Variants in CAPN8 observed in about 807,000 individuals in gnomAD.
The protein encoded by CAPN8 is calpain 8, also known as calpain-8.
Under a neutral mutation model 80.9 loss-of-function variants are expected in CAPN8, and 87 were observed. The observed-to-expected ratio is 1.07, with a 90% CI of 0.90 to 1.28. CAPN8 has a LOEUF of 1.28. Ranked by LOEUF, CAPN8 falls within the 50% of genes most tolerant of loss-of-function variation. CAPN8 has a pLI of 0.00. For missense variants in CAPN8, 757 were observed against 702.0 expected, an observed-to-expected ratio of 1.08 and a Z score of -0.89; for synonymous variants, 299 against 273.8, an observed-to-expected ratio of 1.09 and a Z score of -0.91.
chr1:223,624,577 G>T (rs1321021997), intron 6 of CAPN8, among the ~76,000 whole-genome samples: 1 of 152,080 alleles, frequency 6.6e-6, no homozygotes, highest in Non-Finnish European at 1.5e-5. Flanking sequence ...AGCCAGGCAT[G>T]ATGGCACTTG....
chr1:223,554,314 G>T (rs1333166944), intron 13 of CAPN8, among the ~76,000 whole-genome samples: 1 of 152,168 alleles, frequency 6.6e-6, no homozygotes, highest in Non-Finnish European at 1.5e-5. Flanking sequence ...GTGAAAACAT[G>T]GGGTCATATC....
At chr1:223,645,531 T>C (rs905425099) in intron 2 of CAPN8, among the ~76,000 whole-genome samples, 1 of 152,096 alleles carries the variant, frequency 6.6e-6, no homozygotes, top group African/African-American at 2.4e-5. Flanking sequence ...TTTGAGGAAA[T>C]ACGAGCCTAA....
intron 9 of CAPN8, among the ~76,000 whole-genome samples, 196 bp downstream of exon 9, chr1:223,619,097 G>A (rs1444826646): frequency 6.6e-6 from 1 of 152,194 alleles, no homozygotes; most frequent in African/African-American, 2.4e-5. Context: ...AGAAGGCTGA[G>A]GTGAGAGGAT....
chr1:223,625,559 A>G (rs1657547058), intron 6 of CAPN8, among the ~76,000 whole-genome samples: 1 of 152,100 alleles, frequency 6.6e-6, no homozygotes, highest in Non-Finnish European at 1.5e-5. Flanking sequence ...AGCCTCCCAA[A>G]GTGCTGGGAT....
At chr1:223,612,118 C>G in intron 11 of CAPN8, 128 bp downstream of exon 11, 1 of 769,074 alleles carries the variant, frequency 1.3e-6, no homozygotes, top group Non-Finnish European at 1.8e-6. Flanking sequence ...TGATTCATGA[C>G]TGGATCATGT....
chr1:223,650,232 G>A (rs573060392), intron 2 of CAPN8, among the ~76,000 whole-genome samples: 1 of 152,234 alleles, frequency 6.6e-6, no homozygotes, highest in African/African-American at 2.4e-5. Context: ...GTGCAGGCTG[G>A]GCCAGACCTG....
intron 2 of CAPN8, among the ~76,000 whole-genome samples, chr1:223,654,004 T>C (rs777074744): frequency 6.6e-6 from 1 of 152,188 alleles, no homozygotes; most frequent in African/African-American, 2.4e-5. Flanking sequence ...TACTTAAAGG[T>C]AACTACAACA....
intron 14 of CAPN8, among the ~76,000 whole-genome samples, chr1:223,551,546 G>C (rs1010580360): frequency 3.9e-5 from 6 of 152,204 alleles, no homozygotes; most frequent in Non-Finnish European, 8.8e-5. Context: ...CCATGAGTGT[G>C]GTACACACCG....
intron 11 of CAPN8, among the ~76,000 whole-genome samples, chr1:223,610,329 T>A (rs1322344219): frequency 6.6e-6 from 1 of 152,120 alleles, no homozygotes. Context: ...ACTACCCTAG[T>A]CAGGACTCCA....
chr1:223,625,532 A>G (rs1467472604), intron 6 of CAPN8, among the ~76,000 whole-genome samples: 1 of 152,136 alleles, frequency 6.6e-6, no homozygotes, highest in African/African-American at 2.4e-5. Context: ...CCTGGCCTCA[A>G]GTAATCTTCC....
intron 12 of CAPN8, among the ~76,000 whole-genome samples, chr1:223,558,436 T>C (rs1300161207): frequency 1.3e-5 from 2 of 152,170 alleles, no homozygotes; most frequent in Non-Finnish European, 2.9e-5. Flanking sequence ...TTCACCCTGA[T>C]GGATCACTCC....
At chr1:223,641,593 A>G (rs992143078) in intron 2 of CAPN8, among the ~76,000 whole-genome samples, 1 of 152,118 alleles carries the variant, frequency 6.6e-6, no homozygotes, top group Admixed American at 6.5e-5. Flanking sequence ...AATTCTTCAC[A>G]CAGTGCCAGA....
At chr1:223,620,931 A>T (rs61825175) in intron 7 of CAPN8, among the ~76,000 whole-genome samples, 1 of 151,374 alleles carries the variant, frequency 6.6e-6, no homozygotes, top group South Asian at 2.1e-4. Flanking sequence ...TATGTATGTG[A>T]CATCTAAGTA....
rs149014118 is a variant in CAPN8 at position 223,634,853 on chromosome 1, C to T, written c.308-6073G>A. ...GATTGCAAGATATGAATGGCGGGAGCGGGGACAGATACAAACATTCAGTGT... is the reference window on the plus strand; with the variant it reads ...GATTGCAAGATATGAATGGCGGGAGTGGGGACAGATACAAACATTCAGTGT... On this transcript the variant is annotated intron_variant, in intron 2 of 20. Coordinates refer to ENST00000366872, the MANE Select transcript of CAPN8 (RefSeq NM_001143962.2). Among the ~76,000 whole-genome samples the T allele has an allele frequency of 6.8e-4, 104 of 152,222 alleles. 1 individual carries two copies. The East Asian group carries it at 0.017, about 25-fold the overall frequency.
At chr1:223,663,446 GC>G (rs1219668527) in intron 1 of CAPN8, among the ~76,000 whole-genome samples, 1 of 151,980 alleles carries the variant, frequency 6.6e-6, no homozygotes, top group African/African-American at 2.4e-5. Flanking sequence ...CATCATTTAT[GC>G]CTCTGTAGAG....
chr1:223,637,910 A>G (rs957728272), intron 2 of CAPN8, among the ~76,000 whole-genome samples: 4 of 152,216 alleles, frequency 2.6e-5, no homozygotes, highest in Non-Finnish European at 5.9e-5. Flanking sequence ...TCTAATCTGT[A>G]AAATGAGTTT....
In CAPN8 at chr1:223,625,822, CAG is replaced by C; in HGVS notation, c.794_795del (p.Ser265CysfsTer25). The C allele has an allele frequency of 6.4e-7, 1 of 1,550,682 alleles. No individual in the cohort carries two copies. The highest frequency in any genetic ancestry group is 8.7e-7 in the Non-Finnish European group (1 of 1,146,030). The part of the protein sequence containing the change: ...SQKLVKSHAY[S>X]VTGVEEVNFQ... The stretch of plus-strand genomic sequence containing the variant: ...AATTTTACCTCTTCGACTCCAGTGA[CAG>C]AGTACGCATGACTCTTAACCAGCTT... On this transcript the variant is annotated frameshift_variant, in exon 6 of 21. Transcript: ENST00000366872. LOFTEE classifies it high-confidence loss of function.
At chr1:223,628,876 G>T in intron 2 of CAPN8, 96 bp from the exon 3 acceptor site, 1 of 864,512 alleles carries the variant, frequency 1.2e-6, no homozygotes. Flanking sequence ...AGTCCACGTT[G>T]CCACATTCCC....
intron 2 of CAPN8, among the ~76,000 whole-genome samples, chr1:223,639,488 C>T (rs1657991703): frequency 1.3e-5 from 2 of 152,216 alleles, no homozygotes; most frequent in Admixed American, 1.3e-4. Context: ...TTTACCTAAG[C>T]AAGCCAAAGC....
Sources: gnomAD v4.1 joint callset for allele counts (sites outside exome capture counted in the v4.1 genomes callset) on GRCh38, gnomAD v4.1.1 for gene constraint, MANE v1.5 for transcripts, NCBI Gene and HGNC (gene_info 2026-07-23, HGNC 2026-07-21) for gene names.